VPS13B: variants seen among roughly 807,000 people sequenced by gnomAD.
VPS13B encodes vacuolar protein sorting 13 homolog B.
In VPS13B, 285 loss-of-function variants were observed where a neutral mutation model predicts 426.4. The ratio of observed to expected loss-of-function variants is 0.67; its 90% CI spans 0.61 to 0.74. The LOEUF (loss-of-function observed/expected upper bound fraction) is 0.74, where lower values mean the gene tolerates loss of function less well. Ranked by LOEUF, VPS13B falls within the 30% of genes least tolerant of loss-of-function variation. The probability of loss-of-function intolerance (pLI) is 0.00; values close to 1 mark genes in which losing one functional copy is unlikely to be tolerated. For synonymous variants in VPS13B, 1,676 were observed against 1,676.4 expected, an observed-to-expected ratio of 1.00 and a Z score of 0.01; for missense variants, 4,537 against 4,782.6, an observed-to-expected ratio of 0.95 and a Z score of 1.51.
At chr8:99,015,541 C>T (rs1355328813) in intron 2 of VPS13B, among the ~76,000 whole-genome samples, 1 of 148,146 alleles carries the variant, frequency 6.8e-6, no homozygotes, top group Non-Finnish European at 1.5e-5. Context: ...AAATGTTTTA[C>T]ACCTGTGCAA....
intron 34 of VPS13B, 135 bp from the exon 35 acceptor site, chr8:99,661,219 C>A (rs1830210933): frequency 8.9e-7 from 1 of 1,122,974 alleles, no homozygotes; most frequent in African/African-American, 1.5e-5. Flanking sequence ...TGTATGTGCA[C>A]AAACAAATGA....
chr8:99,121,266 C>G lies in VPS13B; in HGVS notation c.1027C>G (p.Gln343Glu), dbSNP rs1554625632. 1 of 1,614,002 alleles carries G rather than the reference C, an allele frequency of 6.2e-7. No individual in the cohort carries two copies. The highest frequency in any genetic ancestry group is 8.5e-7 in the Non-Finnish European group (1 of 1,180,014). ...TTCACAGCAAGATGAGGAGCAGCCA[C>G]AGGGATGGGTGTCATGGGCCTGGTC... ...LYSQQDEEQPQGWVSWAWSFV... is the reference protein window; with the variant it reads ...LYSQQDEEQPEGWVSWAWSFV... Residue 343 changes from glutamine (Q) to glutamate (E), a missense_variant, in exon 8 of 62, where the codon CAG (glutamine) becomes GAG (glutamate). Physicochemically the swap from Gln to Glu is conservative, Grantham distance 29. Coordinates refer to ENST00000357162, the MANE Select transcript of VPS13B (RefSeq NM_152564.5).
intron 6 of VPS13B, among the ~76,000 whole-genome samples, chr8:99,113,016 T>C (rs569686456): frequency 1.3e-5 from 2 of 152,172 alleles, no homozygotes; most frequent in South Asian, 4.2e-4. Flanking sequence ...TTTCTCTCTT[T>C]CTTTTTTCTC....
intron 19 of VPS13B, among the ~76,000 whole-genome samples, chr8:99,382,183 A>G (rs183726321): frequency 4.8e-4 from 73 of 151,708 alleles, no homozygotes; most frequent in African/African-American, 1.6e-3. Context: ...CCATTGGTTT[A>G]TGTGTCTGCT....
At chr8:99,510,178 T>A (rs1037321248) in intron 28 of VPS13B, among the ~76,000 whole-genome samples, 5 of 152,226 alleles carry the variant, frequency 3.3e-5, no homozygotes, top group Non-Finnish European at 4.4e-5. Flanking sequence ...CATTACTGTT[T>A]AAATATGCAG....
At chr8:99,349,359 A>T (rs940241004) in intron 19 of VPS13B, among the ~76,000 whole-genome samples, 1 of 145,420 alleles carries the variant, frequency 6.9e-6, no homozygotes. Context: ...AAAAAAAGAA[A>T]ATAGCATGCT....
chr8:99,443,080 A>T (rs1349436193), intron 23 of VPS13B, among the ~76,000 whole-genome samples: 1 of 152,090 alleles, frequency 6.6e-6, no homozygotes, highest in Non-Finnish European at 1.5e-5. Flanking sequence ...ATACAAAGTA[A>T]TTATATGATG....
At chr8:99,517,460 C>T (rs139479889) in intron 29 of VPS13B, among the ~76,000 whole-genome samples, 197 of 152,156 alleles carry the variant, frequency 1.3e-3, no homozygotes, top group African/African-American at 3.9e-3. Context: ...TTATAATATA[C>T]GCTACATTAA....
Position 99,766,762 on chromosome 8 carries a change from A to C in VPS13B, c.7051-12A>C. 6.2e-7 allele frequency: 1 copy of C among 1,608,482 alleles called. No homozygotes were observed. The highest frequency in any genetic ancestry group is 8.5e-7 in the Non-Finnish European group (1 of 1,178,350). The stretch of plus-strand genomic sequence containing the variant: ...TATTTGCAACTTCTAAATTTTTTTT[A>C]TTTTAACATAGGTTCCTTGTAGCTT... On this transcript the variant is annotated splice_polypyrimidine_tract_variant and intron_variant, in intron 39 of 61. Transcript: ENST00000357162.
At chr8:99,847,656 A>G (rs1422966660) in intron 54 of VPS13B, among the ~76,000 whole-genome samples, 6 of 152,220 alleles carry the variant, frequency 3.9e-5, no homozygotes. Context: ...GGGAGAAGGC[A>G]GAGATGACAT....
At chr8:99,660,521 AG>A (rs1462099135) in intron 34 of VPS13B, among the ~76,000 whole-genome samples, 1 of 152,140 alleles carries the variant, frequency 6.6e-6, no homozygotes, top group Non-Finnish European at 1.5e-5. Flanking sequence ...ATGAAACTAA[AG>A]AAAAACTGTG....
At chr8:99,541,007 T>C (rs930470321) in intron 30 of VPS13B, among the ~76,000 whole-genome samples, 5 of 152,280 alleles carry the variant, frequency 3.3e-5, no homozygotes, top group South Asian at 2.1e-4. Flanking sequence ...AACTGCCAAA[T>C]GTACATTGTG....
At chr8:99,295,194 A>T (rs1334857817) in intron 19 of VPS13B, among the ~76,000 whole-genome samples, 1 of 152,196 alleles carries the variant, frequency 6.6e-6, no homozygotes, top group Non-Finnish European at 1.5e-5. Flanking sequence ...TAAAATTTCA[A>T]AATAAAAAAG....
chr8:99,339,438 T>A (rs1811116610), intron 19 of VPS13B, among the ~76,000 whole-genome samples: 1 of 152,024 alleles, frequency 6.6e-6, no homozygotes. Context: ...TGACCAGATC[T>A]CATGAGAACT....
chr8:99,567,066 T>C lies in VPS13B; in HGVS notation c.4950-8592T>C, dbSNP rs1244145427. ...TGAGCCACTGTACCCAGCCATATTATTGAAGCTTTAAAAATGAAATTTAAA... is the reference window on the plus strand; with the variant it reads ...TGAGCCACTGTACCCAGCCATATTACTGAAGCTTTAAAAATGAAATTTAAA... On this transcript the variant is annotated intron_variant, in intron 31 of 61. Transcript: ENST00000357162. Among the ~76,000 whole-genome samples, 3 of 152,320 alleles carry C rather than the reference T, an allele frequency of 2.0e-5. No individual in the cohort carries two copies. The East Asian group carries it at 5.8e-4, about 29-fold the overall frequency.
intron 21 of VPS13B, among the ~76,000 whole-genome samples, chr8:99,408,130 T>C (rs775546022): frequency 1.3e-5 from 2 of 152,168 alleles, no homozygotes; most frequent in Non-Finnish European, 2.9e-5. Context: ...CAAATCATTG[T>C]AACGACTTTG....
At chr8:99,610,562 G>A in intron 33 of VPS13B, among the ~76,000 whole-genome samples, 1 of 147,632 alleles carries the variant, frequency 6.8e-6, no homozygotes, top group East Asian at 2.1e-4. Flanking sequence ...TCGGGGAGGG[G>A]AACATCACAC....
At chr8:99,081,525 T>C (rs1238697707) in intron 3 of VPS13B, among the ~76,000 whole-genome samples, 1 of 151,614 alleles carries the variant, frequency 6.6e-6, no homozygotes, top group Non-Finnish European at 1.5e-5. Flanking sequence ...GCTGCACCCA[T>C]TAACTCGTCA....
At chr8:99,746,251 A>G (rs1350993439) in intron 39 of VPS13B, among the ~76,000 whole-genome samples, 2 of 152,118 alleles carry the variant, frequency 1.3e-5, no homozygotes, top group African/African-American at 2.4e-5. Context: ...CAGGTGACAG[A>G]ATAATATTAT....
Sources: allele counts gnomAD v4.1 joint callset (sites outside exome capture counted in the v4.1 genomes callset), GRCh38; gene constraint gnomAD v4.1.1; transcripts MANE v1.5; gene names NCBI Gene and HGNC (gene_info 2026-07-23, HGNC 2026-07-21).